The following LSAMP variants were observed in gnomAD, a reference collection of about 807,000 sequenced individuals.
The protein encoded by LSAMP is limbic system associated membrane protein, also known as limbic system-associated membrane protein.
Under a neutral mutation model 38.6 loss-of-function variants are expected in LSAMP, and 7 were observed. The ratio of observed to expected loss-of-function variants is 0.18; its 90% CI spans 0.10 to 0.34. LSAMP has a LOEUF of 0.34. LSAMP is among the 10% of genes least tolerant of loss of function. The pLI, the probability that LSAMP is intolerant of heterozygous loss-of-function variation, is 1.00. For synonymous variants in LSAMP, 154 were observed against 166.8 expected (o/e 0.92, Z 0.59); for missense variants, 313 against 420.0 (o/e 0.75, Z 2.23).
intron 1 of LSAMP, among the ~76,000 whole-genome samples, chr3:116,336,117 G>A (rs1334572354): frequency 6.6e-6 from 1 of 151,834 alleles, no homozygotes; most frequent in Non-Finnish European, 1.5e-5. Flanking sequence ...AACTCAAAAT[G>A]AATAAAGGAC....
intron 1 of LSAMP, among the ~76,000 whole-genome samples, chr3:116,131,698 C>T (rs1709138462): frequency 6.6e-6 from 1 of 152,084 alleles, no homozygotes; most frequent in South Asian, 2.1e-4. Flanking sequence ...TTCCTCGTTG[C>T]TTAGGCTCTT....
intron 6 of LSAMP, among the ~76,000 whole-genome samples, chr3:115,817,421 G>C (rs889440774): frequency 1.3e-5 from 2 of 152,080 alleles, no homozygotes; most frequent in African/African-American, 2.4e-5. Flanking sequence ...GCTTAGATTA[G>C]AGCTTGGCAG....
intron 1 of LSAMP, among the ~76,000 whole-genome samples, chr3:116,213,867 T>C (rs1348744149): frequency 1.3e-5 from 2 of 152,114 alleles, no homozygotes; most frequent in East Asian, 3.9e-4. Flanking sequence ...ATTTAAAGAA[T>C]CTGAAAGTGA....
chr3:115,904,827 T>G (rs181902729), intron 3 of LSAMP, among the ~76,000 whole-genome samples: 8 of 152,308 alleles, frequency 5.3e-5, no homozygotes, highest in Non-Finnish European at 7.4e-5. Flanking sequence ...TTTTAAAAGA[T>G]GCCTCTGATT....
chr3:116,149,305 G>C (rs1023961322), intron 1 of LSAMP, among the ~76,000 whole-genome samples: 1 of 151,964 alleles, frequency 6.6e-6, no homozygotes, highest in African/African-American at 2.4e-5. Flanking sequence ...AGTGGAGGGT[G>C]TGCACTGCCT....
intron 1 of LSAMP, among the ~76,000 whole-genome samples, chr3:116,313,456 C>A (rs1236350385): frequency 6.6e-6 from 1 of 152,146 alleles, no homozygotes; most frequent in African/African-American, 2.4e-5. Context: ...GCTGCAATAA[C>A]CCTCATCCAG....
At chr3:116,367,486 A>G (rs371068147) in intron 1 of LSAMP, among the ~76,000 whole-genome samples, 5 of 134,768 alleles carry the variant, frequency 3.7e-5, no homozygotes, top group African/African-American at 1.4e-4. Flanking sequence ...CTTTACATTT[A>G]TTTTCTTCCT....
chr3:116,061,348 T>C (rs1941590690), intron 2 of LSAMP, among the ~76,000 whole-genome samples: 1 of 152,208 alleles, frequency 6.6e-6, no homozygotes, highest in African/African-American at 2.4e-5. Flanking sequence ...CAATTAACTA[T>C]GAAAAGCTGC....
At chr3:116,036,547 A>G (rs1941049735) in intron 2 of LSAMP, among the ~76,000 whole-genome samples, 1 of 152,076 alleles carries the variant, frequency 6.6e-6, no homozygotes, top group Admixed American at 6.5e-5. Flanking sequence ...CTGTGAGCCC[A>G]CCCCAATTAT....
intron 3 of LSAMP, among the ~76,000 whole-genome samples, chr3:115,902,556 A>C (rs1936903448): frequency 6.6e-6 from 1 of 152,140 alleles, no homozygotes; most frequent in South Asian, 2.1e-4. Context: ...TAAATAGGCA[A>C]CCTACAGAAT....
At chr3:116,223,725 A>G (rs548355037) in intron 1 of LSAMP, among the ~76,000 whole-genome samples, 4 of 152,190 alleles carry the variant, frequency 2.6e-5, no homozygotes, top group Non-Finnish European at 4.4e-5. Flanking sequence ...GTTTAATGAT[A>G]AAAAGTGCCA....
At chr3:115,811,271 G>T (rs1217914208) in intron 6 of LSAMP, among the ~76,000 whole-genome samples, 1 of 152,136 alleles carries the variant, frequency 6.6e-6, no homozygotes, top group Non-Finnish European at 1.5e-5. Context: ...AAATAGGATG[G>T]ATAGGAAGCT....
At chr3:116,176,367 A>G (rs1710338378) in intron 1 of LSAMP, among the ~76,000 whole-genome samples, 1 of 152,186 alleles carries the variant, frequency 6.6e-6, no homozygotes, top group African/African-American at 2.4e-5. Flanking sequence ...TAACAATTCC[A>G]TATTTAAAAC....
intron 4 of LSAMP, among the ~76,000 whole-genome samples, chr3:115,848,552 A>G (rs538032270): frequency 4.6e-4 from 70 of 152,294 alleles, no homozygotes; most frequent in African/African-American, 1.4e-3. Flanking sequence ...TCCAGTCCCA[A>G]TTGGGTATTC....
At chr3:115,957,666 T>C (rs912546748) in intron 3 of LSAMP, among the ~76,000 whole-genome samples, 2 of 152,222 alleles carry the variant, frequency 1.3e-5, no homozygotes, top group African/African-American at 4.8e-5. Flanking sequence ...CCGCATGGTA[T>C]AATTTCAATG....
At chr3:116,203,687 G>C (rs2046023732) in intron 1 of LSAMP, among the ~76,000 whole-genome samples, 2 of 151,604 alleles carry the variant, frequency 1.3e-5, no homozygotes, top group Admixed American at 6.6e-5. Flanking sequence ...TACTGAGAAT[G>C]ATGATTTCCA....
At chr3:115,858,913 TG>T (rs1263427560) in intron 3 of LSAMP, among the ~76,000 whole-genome samples, 2 of 152,354 alleles carry the variant, frequency 1.3e-5, no homozygotes, top group East Asian at 3.9e-4. Flanking sequence ...GTATGTTTCA[TG>T]TTTTGCTTTT....
rs200162570 is a variant in LSAMP, at chr3:116,303,050, AT to A, written c.155+141826del. ...ATCCTGAGTATTTTTATTTTAATTA[AT>A]TTTTTTTTGAACTATGAAATTAATG... On this transcript the variant is annotated intron_variant, in intron 1 of 6. Coordinates refer to ENST00000490035, the MANE Select transcript of LSAMP (RefSeq NM_002338.5). 3.4e-3 allele frequency among the ~76,000 whole-genome samples: 513 copies of A among 151,774 alleles called. 1 individual carries two copies. Among genetic ancestry groups the A allele is most frequent in the African/African-American group, 5.9e-3 (246 of 41,426 alleles).
chr3:116,185,058 T>A (rs1260901301), intron 1 of LSAMP, among the ~76,000 whole-genome samples: 1 of 149,978 alleles, frequency 6.7e-6, no homozygotes. Context: ...GTTCTCACAT[T>A]TTGGCACAGT....
Sources: allele counts gnomAD v4.1 joint callset (sites outside exome capture counted in the v4.1 genomes callset), GRCh38; gene constraint gnomAD v4.1.1; transcripts MANE v1.5; gene names NCBI Gene and HGNC (gene_info 2026-07-23, HGNC 2026-07-21).